Variants in C5orf47 observed in about 807,000 individuals in gnomAD.
C5orf47 encodes the protein uncharacterized protein C5orf47.
In C5orf47, 20 loss-of-function variants were observed where a neutral mutation model predicts 20.6. The ratio of observed to expected loss-of-function variants is 0.97; its 90% confidence interval spans 0.68 to 1.41. C5orf47 has a LOEUF of 1.41. Ranked by LOEUF, C5orf47 falls within the 40% of genes most tolerant of loss-of-function variation. C5orf47 has a pLI of 0.00. For missense variants in C5orf47, 262 were observed against 238.4 expected (o/e 1.10, Z -0.65); for synonymous variants, 106 against 97.3 (o/e 1.09, Z -0.53).
intron 4 of C5orf47, among the ~76,000 whole-genome samples, chr5:174,003,945 G>A (rs921602893): frequency 1.3e-5 from 2 of 152,178 alleles, no homozygotes; most frequent in East Asian, 1.9e-4. Flanking sequence ...CAGTGTCTAG[G>A]CAATGGCCTT....
At chr5:174,000,598 G>A (rs550673485) in intron 3 of C5orf47, among the ~76,000 whole-genome samples, 1 of 152,084 alleles carries the variant, frequency 6.6e-6, no homozygotes, top group East Asian at 1.9e-4. Context: ...CAGTAAAATT[G>A]CAGTATTTAA....
intron 1 of C5orf47, among the ~76,000 whole-genome samples, chr5:173,996,352 A>ATGTCTTTTTTCTT (rs1759098151): frequency 6.6e-6 from 1 of 152,192 alleles, no homozygotes; most frequent in African/African-American, 2.4e-5. Context: ...TGGAAGAAAT[A>ATGTCTTTTTTCTT]TGTCTTTTTT....
At position 174,005,353 on chromosome 5, in the gene C5orf47, A is replaced by G. The variant is rs1236878567; in HGVS notation, c.*1099A>G. The G allele has an allele frequency of 1.3e-5, 2 of 152,248 alleles. No homozygotes were observed. Among genetic ancestry groups the G allele is most frequent in the African/African-American group, 2.4e-5 (1 of 41,468 alleles). 9.4% of individuals were successfully genotyped at this position (152,248 alleles called of 1,614,324 possible). A position where few individuals can be genotyped will look rare whatever the true frequency, so the allele number is the denominator to read the frequency against. On this transcript the variant is annotated 3_prime_UTR_variant, in exon 5 of 5. Coordinates refer to ENST00000340147, the MANE Select transcript of C5orf47 (RefSeq NM_001144954.2). ...ATTCTCATGAAATAGTACAAGTTGT[A>G]AGGACTGTAAAGTAATTCATAGTTT... is the stretch of plus-strand genomic sequence containing the variant.
chr5:174,008,280 C>A (rs956451134), downstream of C5orf47, among the ~76,000 whole-genome samples: 12 of 152,132 alleles, frequency 7.9e-5, no homozygotes, highest in African/African-American at 2.7e-4. Context: ...ATTGATCCGG[C>A]CCATATATTA....
At chr5:174,002,356 A>G (rs988295003) in intron 4 of C5orf47, among the ~76,000 whole-genome samples, 2 of 152,190 alleles carry the variant, frequency 1.3e-5, no homozygotes, top group African/African-American at 4.8e-5. Flanking sequence ...TAACACAGTA[A>G]CCTAAGAAAG....
chr5:174,001,275 T>A, intron 4 of C5orf47, 44 bp downstream of exon 4: 2 of 1,068,400 alleles, frequency 1.9e-6, no homozygotes, highest in Non-Finnish European at 2.8e-6. Context: ...TAGATTTTAT[T>A]CCCTTCCCTT....
chr5:174,007,190 C>T (rs1031625928), downstream of C5orf47, among the ~76,000 whole-genome samples: 3 of 152,014 alleles, frequency 2.0e-5, no homozygotes, highest in Non-Finnish European at 4.4e-5. Context: ...TAAGAGTTAT[C>T]ACAACGAGGA....
At position 174,005,104 on chromosome 5, in the gene C5orf47, T is replaced by C. The variant is rs1020515672; in HGVS notation, c.*850T>C. 3.3e-5 allele frequency: 5 copies of C among 152,168 alleles called. No homozygotes were observed. Among genetic ancestry groups the C allele is most frequent in the African/African-American group, 1.2e-4 (5 of 41,440 alleles). 9.4% of individuals were successfully genotyped at this position (152,168 alleles called of 1,614,324 possible). On this transcript the variant is annotated 3_prime_UTR_variant, in exon 5 of 5. Coordinates refer to ENST00000340147, the MANE Select transcript of C5orf47 (RefSeq NM_001144954.2). ...GCTGGTACGATCTCTCTTTCTAAAT[T>C]GAATCAAAGACCTAGGTGGAACTGG...
chr5:173,990,707 G>C (rs1373037360), intron 1 of C5orf47, among the ~76,000 whole-genome samples: 2 of 152,100 alleles, frequency 1.3e-5, no homozygotes, highest in Non-Finnish European at 2.9e-5. Context: ...CAAAGTGTTG[G>C]GATTACAGGC....
rs143813025 is a variant in C5orf47, at chr5:173,993,056, A to T, written c.325+3468A>T. ...GATTTGCCTAGTTATTTATTTATTT[A>T]TTTTTTTTACTATTTTCAGATTTAG... On this transcript the variant is annotated intron_variant, in intron 1 of 4. Coordinates refer to ENST00000340147, the MANE Select transcript of C5orf47 (RefSeq NM_001144954.2). Among the ~76,000 whole-genome samples, 899 of 151,478 alleles carry T rather than the reference A, an allele frequency of 5.9e-3. 6 individuals are homozygous for T. The highest frequency in any genetic ancestry group is 0.02 in the African/African-American group (829 of 41,230).
In C5orf47 at chr5:173,999,759, A is replaced by G. The variant is rs183296142; in HGVS notation, c.471A>G (p.Lys157=). The part of the protein sequence containing the change: ...VISRMLEENE[K]YRHRLKCQRL... Reference sequence around the variant, plus strand: ...CAAGAATGCTTGAAGAAAATGAAAAATATAGACACAGGCTGAAATGCCAAA... The same window carrying G: ...CAAGAATGCTTGAAGAAAATGAAAAGTATAGACACAGGCTGAAATGCCAAA... The change falls in exon 3 of 5, where the codon AAA becomes AAG. Residue 157 remains lysine, a synonymous_variant. Coordinates refer to ENST00000340147, the MANE Select transcript of C5orf47 (RefSeq NM_001144954.2). The G allele has an allele frequency of 6.5e-7, 1 of 1,536,764 alleles. No homozygotes were observed. The highest frequency in any genetic ancestry group is 2.0e-5 in the Admixed American group (1 of 50,086).
At chr5:173,991,579 T>C (rs1758998678) in intron 1 of C5orf47, among the ~76,000 whole-genome samples, 1 of 152,040 alleles carries the variant, frequency 6.6e-6, no homozygotes, top group African/African-American at 2.4e-5. Flanking sequence ...AGATACTCTT[T>C]TTCTTTAGAT....
intron 1 of C5orf47, among the ~76,000 whole-genome samples, chr5:173,990,008 T>C (rs971084138): frequency 2.0e-5 from 3 of 152,240 alleles, no homozygotes; most frequent in Non-Finnish European, 2.9e-5. Flanking sequence ...TATCCTCCCA[T>C]AGGTTTTGCA....
intron 4 of C5orf47, among the ~76,000 whole-genome samples, chr5:174,002,155 C>G (rs375570952): frequency 6.6e-6 from 1 of 151,696 alleles, no homozygotes; most frequent in African/African-American, 2.4e-5. Context: ...AGGTGGGGGT[C>G]TAGCTATGTT....
chr5:173,995,511 C>T lies in C5orf47; in HGVS notation c.326-2642C>T, dbSNP rs56754326. ...CATTCATCAGCAGGATCATATTGGCCAAGTTAGTTAACCACTATTATTCTC... is the reference window on the plus strand; with the variant it reads ...CATTCATCAGCAGGATCATATTGGCTAAGTTAGTTAACCACTATTATTCTC... On this transcript the variant is annotated intron_variant, in intron 1 of 4. Coordinates refer to ENST00000340147, the MANE Select transcript of C5orf47 (RefSeq NM_001144954.2). 2.7e-4 allele frequency among the ~76,000 whole-genome samples: 41 copies of T among 152,294 alleles called. 1 individual carries two copies. In the East Asian group the frequency reaches 6.6e-3, roughly 24 times the overall value.
At position 173,989,243 on chromosome 5, in the gene C5orf47, C is replaced by A; in HGVS notation, c.-21C>A. The A allele has an allele frequency of 7.3e-7, 1 of 1,373,420 alleles. No homozygotes were observed. Among genetic ancestry groups the A allele is most frequent in the Non-Finnish European group, 9.4e-7 (1 of 1,063,078 alleles). The allele number at this position is 1,373,420 out of a possible 1,614,324, so 85.1% of individuals were successfully genotyped here. ...GGCGTCGTGTTTGCTGAGGGCCCGG[C>A]TGCCGTTGACTGAGGCTGCGATGGC... On this transcript the variant is annotated 5_prime_UTR_variant, in exon 1 of 5. The change creates a new upstream start codon in the 5' untranslated region. Transcript: ENST00000340147.
chr5:174,001,763 T>C (rs1173558844), intron 4 of C5orf47, among the ~76,000 whole-genome samples: 4 of 151,900 alleles, frequency 2.6e-5, no homozygotes, highest in Non-Finnish European at 5.9e-5. Flanking sequence ...CATTCTCTCT[T>C]TACATATTCA....
At position 173,989,382 on chromosome 5, in the gene C5orf47, T is replaced by G; in HGVS notation, c.119T>G (p.Leu40Arg). Residue 40 changes from leucine (L) to arginine (R), a missense_variant, in exon 1 of 5, where the codon CTT becomes CGT. Physicochemically the swap from Leu to Arg is moderately radical, Grantham distance 102. Transcript: ENST00000340147. ...LQLGGRGAQG[L>R]WGQGPGAGCR... ...CTGGGCGGCCGTGGAGCTCAAGGCC[T>G]TTGGGGTCAGGGGCCTGGGGCAGGC... 6.5e-7 allele frequency: 1 copy of G among 1,537,120 alleles called. No individual in the cohort carries two copies. Among genetic ancestry groups the G allele is most frequent in the East Asian group, 2.5e-5 (1 of 40,382 alleles).
chr5:173,999,205 T>G (rs986574624), intron 2 of C5orf47, among the ~76,000 whole-genome samples: 1 of 152,184 alleles, frequency 6.6e-6, no homozygotes, highest in Non-Finnish European at 1.5e-5. Context: ...GATCTATTTG[T>G]TTGATTCTAT....
Sources: allele counts gnomAD v4.1 joint callset (sites outside exome capture counted in the v4.1 genomes callset), GRCh38; gene constraint gnomAD v4.1.1; transcripts MANE v1.5; gene names NCBI Gene and HGNC (gene_info 2026-07-23, HGNC 2026-07-21).